Variants in PPIP5K2 observed in about 807,000 individuals in gnomAD.
PPIP5K2 encodes diphosphoinositol pentakisphosphate kinase 2, also known as inositol hexakisphosphate and diphosphoinositol-pentakisphosphate kinase 2.
In PPIP5K2, 105 loss-of-function variants were observed where a neutral mutation model predicts 154.6. The ratio of observed to expected loss-of-function variants is 0.68; its 90% CI spans 0.58 to 0.80. The LOEUF (loss-of-function observed/expected upper bound fraction) is 0.80, where lower values mean the gene tolerates loss of function less well. Ranked by LOEUF, PPIP5K2 falls within the 30% of genes least tolerant of loss-of-function variation. The pLI, the probability that PPIP5K2 is intolerant of heterozygous loss-of-function variation, is 0.00. For missense variants in PPIP5K2, 992 were observed against 1,504.6 expected, an observed-to-expected ratio of 0.66 and a Z score of 5.64; for synonymous variants, 480 against 490.3, an observed-to-expected ratio of 0.98 and a Z score of 0.28.
At chr5:103,177,603 C>A (rs1798911536) in intron 21 of PPIP5K2, 64 bp from the exon 22 acceptor site, 1 of 1,089,768 alleles carries the variant, frequency 9.2e-7, no homozygotes, top group Non-Finnish European at 1.3e-6. Flanking sequence ...ACCATAGTGA[C>A]AATAAAGTGA....
At chr5:103,173,808 AG>A in intron 20 of PPIP5K2, 49 bp from the exon 21 acceptor site, 1 of 1,140,890 alleles carries the variant, frequency 8.8e-7, no homozygotes, top group Non-Finnish European at 1.3e-6. Flanking sequence ...ATATTTAGTG[AG>A]TTTTTGATTA....
intron 9 of PPIP5K2, 111 bp from the exon 10 acceptor site, chr5:103,152,537 T>C: frequency 1.6e-6 from 1 of 616,168 alleles, no homozygotes; most frequent in South Asian, 2.3e-5. Context: ...ATCTTTTATG[T>C]GATGTAATCA....
At chr5:103,175,062 T>C (rs1241933216) in intron 21 of PPIP5K2, among the ~76,000 whole-genome samples, 2 of 152,140 alleles carry the variant, frequency 1.3e-5, no homozygotes, top group Non-Finnish European at 2.9e-5. Flanking sequence ...TCTTTTATTT[T>C]TCTGTGCGTA....
chr5:103,141,130 G>A lies in PPIP5K2; in HGVS notation c.487+2661G>A, dbSNP rs367633227. 1.2e-4 allele frequency among the ~76,000 whole-genome samples: 19 copies of A among 152,262 alleles called. 1 individual carries two copies. The highest frequency in any genetic ancestry group is 8.5e-4 in the Admixed American group (13 of 15,306). ...GGGTGGATCACGAGGTCAGGAGATC[G>A]AGACCATCCTAGCTAACGTGGTGAA... On this transcript the variant is annotated intron_variant, in intron 5 of 30. Coordinates refer to ENST00000358359, the MANE Select transcript of PPIP5K2 (RefSeq NM_001276277.3).
At chr5:103,163,573 A>C (rs1370998346) in intron 17 of PPIP5K2, among the ~76,000 whole-genome samples, 1 of 151,822 alleles carries the variant, frequency 6.6e-6, no homozygotes, top group Non-Finnish European at 1.5e-5. Context: ...CATAGGTAGG[A>C]CCCTCAAAAT....
At chr5:103,199,882 T>C (rs535694521) in intron 30 of PPIP5K2, among the ~76,000 whole-genome samples, 22 of 152,296 alleles carry the variant, frequency 1.4e-4, no homozygotes, top group African/African-American at 4.8e-4. Flanking sequence ...ATAGTTAGAA[T>C]TGCTGCTTTA....
chr5:103,159,411 T>G, intron 17 of PPIP5K2, 83 bp downstream of exon 17: 1 of 1,133,188 alleles, frequency 8.8e-7, no homozygotes, highest in Non-Finnish European at 1.2e-6. Context: ...CATGTAGAGC[T>G]TATTGTATTA....
intron 5 of PPIP5K2, among the ~76,000 whole-genome samples, chr5:103,142,568 G>T (rs566668421): frequency 6.6e-6 from 1 of 152,300 alleles, no homozygotes; most frequent in East Asian, 1.9e-4. Flanking sequence ...GCGAGCGAGG[G>T]CTGTGAGGAC....
intron 5 of PPIP5K2, among the ~76,000 whole-genome samples, chr5:103,142,239 C>T (rs956390662): frequency 3.9e-5 from 6 of 152,288 alleles, no homozygotes; most frequent in South Asian, 2.1e-4. Context: ...CTGGCACTGC[C>T]GGGGGACCCA....
At chr5:103,200,264 T>C (rs1241930968) in intron 30 of PPIP5K2, among the ~76,000 whole-genome samples, 1 of 152,138 alleles carries the variant, frequency 6.6e-6, no homozygotes, top group Non-Finnish European at 1.5e-5. Context: ...TCATCCTTTT[T>C]GAGATTTTCC....
At chr5:103,145,381 C>CA (rs1183464329) in intron 5 of PPIP5K2, among the ~76,000 whole-genome samples, 1 of 152,070 alleles carries the variant, frequency 6.6e-6, no homozygotes, top group Non-Finnish European at 1.5e-5. Context: ...TATGATCTTG[C>CA]AATCCCACTG....
At position 103,212,070 on chromosome 5, in the gene PPIP5K2, A is replaced by T. The variant is rs901562731; in HGVS notation, c.*10436A>T. On this transcript the variant is annotated 3_prime_UTR_variant, in exon 31 of 31. Transcript: ENST00000358359. ...TGTTTTTTTGGTCAACATGAATTAT[A>T]GCTAGGGGAAGAGATAAACAGGGGG... 6.6e-6 allele frequency: 1 copy of T among 152,110 alleles called. No homozygotes were observed. The highest frequency in any genetic ancestry group is 2.4e-5 in the African/African-American group (1 of 41,428). 9.4% of individuals were successfully genotyped at this position (152,110 alleles called of 1,614,324 possible). A position where few individuals can be genotyped will look rare whatever the true frequency, so the allele number is the denominator to read the frequency against.
intron 2 of PPIP5K2, 42 bp from the exon 3 acceptor site, chr5:103,133,411 C>A: frequency 1.3e-6 from 2 of 1,552,572 alleles, no homozygotes; most frequent in South Asian, 1.2e-5. Flanking sequence ...CTTTGGAGTT[C>A]ATGTAAAGTT....
intron 16 of PPIP5K2, among the ~76,000 whole-genome samples, chr5:103,158,929 C>CAA (rs200593216): frequency 6.7e-6 from 1 of 148,652 alleles, no homozygotes; most frequent in Non-Finnish European, 1.5e-5. Flanking sequence ...ACCCTTGTCT[C>CAA]AAAAAAAAAC....
chr5:103,123,651 A>G (rs1255103665), intron 1 of PPIP5K2, among the ~76,000 whole-genome samples: 1 of 152,212 alleles, frequency 6.6e-6, no homozygotes, highest in African/African-American at 2.4e-5. Flanking sequence ...TCTAGTTAAG[A>G]ATTACTGTTT....
rs1286548655 is a variant in PPIP5K2, at chr5:103,155,014, C to T, written c.1403+71C>T. 1.1e-5 allele frequency: 10 copies of T among 873,900 alleles called. No individual in the cohort carries two copies. In the East Asian group the frequency reaches 2.9e-4, roughly 25 times the overall value. The allele number at this position is 873,900 out of a possible 1,614,324, so 54.1% of individuals were successfully genotyped here. ...CTTCTTTTTTATGTATGTGATTTTC[C>T]ATTTTAATTACTTTCACAGTCTGAT... is the stretch of plus-strand genomic sequence containing the variant. On this transcript the variant is annotated intron_variant, in intron 13 of 30. Transcript: ENST00000358359.
At chr5:103,124,141 G>T (rs1475757728) in intron 1 of PPIP5K2, among the ~76,000 whole-genome samples, 1 of 151,996 alleles carries the variant, frequency 6.6e-6, no homozygotes, top group Non-Finnish European at 1.5e-5. Flanking sequence ...TTAGCTGAGT[G>T]TGGTGGTGGG....
intron 11 of PPIP5K2, 133 bp from the exon 12 acceptor site, chr5:103,154,537 A>T: frequency 1.7e-6 from 1 of 573,570 alleles, no homozygotes; most frequent in Non-Finnish European, 3.0e-6. Context: ...GTGAAAGAGG[A>T]AACACAGTAC....
Position 103,177,862 on chromosome 5 carries a change from A to C in PPIP5K2, c.2638-2A>C. ...TTGAAAATGTTCTGTCATATTTCTT[A>C]GGATCTTTCCTCAGAAGAACGCTTT... On this transcript the variant is annotated splice_acceptor_variant, in intron 22 of 30. Coordinates refer to ENST00000358359, the MANE Select transcript of PPIP5K2 (RefSeq NM_001276277.3). LOFTEE classifies it high-confidence loss of function. The C allele has an allele frequency of 6.2e-7, 1 of 1,610,646 alleles. No individual in the cohort carries two copies. Among genetic ancestry groups the C allele is most frequent in the Non-Finnish European group, 8.5e-7 (1 of 1,177,276 alleles).
Sources: gnomAD v4.1 joint callset for allele counts (sites outside exome capture counted in the v4.1 genomes callset) on GRCh38, gnomAD v4.1.1 for gene constraint, MANE v1.5 for transcripts, NCBI Gene and HGNC (gene_info 2026-07-23, HGNC 2026-07-21) for gene names.